The following NOX5 variants were observed in gnomAD, a reference collection of about 807,000 sequenced individuals.
The protein encoded by NOX5 is NADPH oxidase 5.
A neutral mutation model predicts 85.7 loss-of-function variants in NOX5; 76 were observed. That is an observed-to-expected ratio of 0.89 (90% CI 0.74 to 1.07). The LOEUF (loss-of-function observed/expected upper bound fraction) is 1.07. Ranked by LOEUF, NOX5 falls within the 50% of genes least tolerant of loss-of-function variation. The probability of loss-of-function intolerance (pLI) is 0.00; values close to 1 mark genes in which losing one functional copy is unlikely to be tolerated. For missense variants in NOX5, 973 were observed against 999.5 expected (o/e 0.97, Z 0.36); for synonymous variants, 405 against 401.4 (o/e 1.01, Z -0.11).
rs1265680357 is a variant in NOX5, at chr15:69,031,553, TG to T, written c.365del (p.Gly122ValfsTer48). The T allele has an allele frequency of 6.2e-7, 1 of 1,611,644 alleles. No individual in the cohort carries two copies. Among genetic ancestry groups the T allele is most frequent in the South Asian group, 1.1e-5 (1 of 91,056 alleles). On this transcript the variant is annotated frameshift_variant, in exon 4 of 16. Coordinates refer to ENST00000388866, the MANE Select transcript of NOX5 (RefSeq NM_024505.4). LOFTEE classifies it high-confidence loss of function. The stretch of plus-strand genomic sequence containing the variant: ...GCAGGGGGCGTCTGCAGGTACAGAG[TG>T]GGGTGCTGGGGCAGGCCCGCACTGG... The part of the protein sequence containing the change: ...ARQGASAGTE[W>X]GAGAGPHWAS...
At chr15:69,049,748 G>C (rs527504994) in intron 14 of NOX5, among the ~76,000 whole-genome samples, 2 of 152,262 alleles carry the variant, frequency 1.3e-5, no homozygotes, top group East Asian at 3.9e-4. Context: ...TTCTCTGAGA[G>C]TCAGGCTCAG....
At chr15:69,052,388 A>T (rs2050760262) in intron 14 of NOX5, among the ~76,000 whole-genome samples, 2 of 152,180 alleles carry the variant, frequency 1.3e-5, no homozygotes, top group Non-Finnish European at 1.5e-5. Flanking sequence ...TCTTCATGGG[A>T]CATCTTTGTG....
In NOX5 at chr15:69,033,090, G is replaced by A; in HGVS notation, c.668G>A (p.Arg223Gln). The change falls in exon 5 of 16, where the codon CGG (arginine) becomes CAG (glutamine). Residue 223 changes from arginine to glutamine, a missense_variant. By Grantham distance (43) the Arg-to-Gln change is conservative. Coordinates refer to ENST00000388866, the MANE Select transcript of NOX5 (RefSeq NM_024505.4). The part of the protein sequence containing the change: ...TAPAPRPRPR[R>Q]PRQLTRAYWH... ...CCCGCCCCCCGCCCACGCCCGCGCCGGCCGCGCCAGCTGACCCGCGCCTAC... is the reference window on the plus strand; with the variant it reads ...CCCGCCCCCCGCCCACGCCCGCGCCAGCCGCGCCAGCTGACCCGCGCCTAC... 6.4e-7 allele frequency: 1 copy of A among 1,552,712 alleles called. No homozygotes were observed. Among genetic ancestry groups the A allele is most frequent in the East Asian group, 2.4e-5 (1 of 42,400 alleles).
At chr15:69,027,431 G>A (rs1029291130) in intron 2 of NOX5, among the ~76,000 whole-genome samples, 3 of 152,172 alleles carry the variant, frequency 2.0e-5, no homozygotes, top group Non-Finnish European at 1.5e-5. Context: ...AGAAAGCCAA[G>A]GCAAGGTGGC....
intron 1 of NOX5, among the ~76,000 whole-genome samples, chr15:69,015,953 A>G (rs167482): frequency 0.99 from 150,151 of 151,202 alleles, 74,560 homozygotes; most frequent in Middle Eastern, 1. Flanking sequence ...GGCTGGGCCC[A>G]GGACAGTGGT....
intron 3 of NOX5, chr15:69,031,198 T>C (rs1309438416): frequency 4.7e-6 from 2 of 422,448 alleles, no homozygotes; most frequent in Admixed American, 4.0e-5. Flanking sequence ...ACATACAGTG[T>C]GCCTTTGGAT....
intron 1 of NOX5, among the ~76,000 whole-genome samples, chr15:69,016,816 A>G (rs2050237226): frequency 6.6e-6 from 1 of 152,118 alleles, no homozygotes; most frequent in African/African-American, 2.4e-5. Context: ...ATATACATAC[A>G]TACATACACA....
Position 69,014,751 on chromosome 15 carries a change from G to C in NOX5, c.16G>C (p.Asp6His). The C allele has an allele frequency of 6.4e-7, 1 of 1,550,626 alleles. No homozygotes were observed. Among genetic ancestry groups the C allele is most frequent in the Non-Finnish European group, 8.7e-7 (1 of 1,146,974 alleles). Residue 6 changes from aspartate (D) to histidine (H), a missense_variant, in exon 1 of 16, where the codon GAC becomes CAC. Asp to His is a moderately conservative substitution (Grantham distance 81). Coordinates refer to ENST00000388866, the MANE Select transcript of NOX5 (RefSeq NM_024505.4). The stretch of plus-strand genomic sequence containing the variant: ...ACAGGAGAAGATGAACACATCTGGA[G>C]ACCCAGCCCAGACGGGCCCTGAAGG... MNTSG[D>H]PAQTGPEGCR... is the part of the protein sequence containing the mutation.
At chr15:69,055,559 A>T in intron 15 of NOX5, 59 bp downstream of exon 15, 3 of 1,573,228 alleles carry the variant, frequency 1.9e-6, no homozygotes, top group Non-Finnish European at 2.6e-6. Flanking sequence ...AGCTCGAGGC[A>T]GCGGTGGGGA....
At chr15:69,023,848 G>T in intron 1 of NOX5, 1 of 177,116 alleles carries the variant, frequency 5.6e-6, no homozygotes, top group Non-Finnish European at 1.3e-5. Flanking sequence ...TGCTTCTCCT[G>T]ACCATCTCTT....
At position 69,038,998 on chromosome 15, in the gene NOX5, C is replaced by T. The variant is rs780946141; in HGVS notation, c.1504+9C>T. The T allele has an allele frequency of 5.6e-6, 9 of 1,613,846 alleles. No individual in the cohort carries two copies. The highest frequency in any genetic ancestry group is 5.3e-5 in the African/African-American group (4 of 74,892). On this transcript the variant is annotated intron_variant, in intron 9 of 15. Coordinates refer to ENST00000388866, the MANE Select transcript of NOX5 (RefSeq NM_024505.4). ...TGCTCCTGAGCAGAAAGGTAATGGC[C>T]ACCTCCTCCAGTCACTCTGCACATA...
At chr15:69,026,695 T>C in intron 2 of NOX5, 44 bp downstream of exon 2, 1 of 1,612,678 alleles carries the variant, frequency 6.2e-7, no homozygotes. Flanking sequence ...TATCGTTATG[T>C]GGCCTGGTTC....
chr15:69,043,004 G>A (rs1417289757), intron 10 of NOX5, among the ~76,000 whole-genome samples, 199 bp downstream of exon 10: 1 of 152,332 alleles, frequency 6.6e-6, no homozygotes. Flanking sequence ...TTCCCAGTCT[G>A]ATGTCCCCCA....
intron 5 of NOX5, among the ~76,000 whole-genome samples, chr15:69,033,701 C>CTTTT (rs570603838): frequency 1.7e-5 from 2 of 119,290 alleles, no homozygotes; most frequent in African/African-American, 6.5e-5. Context: ...TCTTTTTTTT[C>CTTTT]TTTTTTTTTT....
chr15:69,030,286 G>C (rs763597329), intron 3 of NOX5: 1 of 152,180 alleles, frequency 6.6e-6, no homozygotes, highest in African/African-American at 2.4e-5. Context: ...TACGCGCGAC[G>C]GGGAGCCATC....
In NOX5 at chr15:69,031,664, G is replaced by C. The variant is rs772334710; in HGVS notation, c.472G>C (p.Ala158Pro). The change falls in exon 4 of 16, where the codon GCC (alanine) becomes CCC (proline). Residue 158 changes from alanine (A) to proline (P), a missense_variant. Coordinates refer to ENST00000388866, the MANE Select transcript of NOX5 (RefSeq NM_024505.4). ...GCTGCAGTCGTGTCTGCGCGAGAGC[G>C]CCATCTCGCTGCCTGACGAGAAGCT... ...TVLQSCLRES[A>P]ISLPDEKLDQ... 1.2e-6 allele frequency: 2 copies of C among 1,613,212 alleles called. No homozygotes were observed. Among genetic ancestry groups the C allele is most frequent in the Non-Finnish European group, 1.7e-6 (2 of 1,179,924 alleles).
intron 5 of NOX5, among the ~76,000 whole-genome samples, chr15:69,034,122 G>A (rs940550261): frequency 2.6e-5 from 4 of 152,202 alleles, no homozygotes; most frequent in African/African-American, 7.2e-5. Context: ...ATTCATCATT[G>A]ATGAGCAGGG....
intron 1 of NOX5, among the ~76,000 whole-genome samples, chr15:69,018,893 T>C (rs754204851): frequency 3.3e-5 from 5 of 152,104 alleles, no homozygotes; most frequent in African/African-American, 4.8e-5. Flanking sequence ...AAGGGATGGG[T>C]TCTCTGTTGC....
At chr15:69,050,615 C>A (rs749508763) in intron 14 of NOX5, among the ~76,000 whole-genome samples, 1 of 152,188 alleles carries the variant, frequency 6.6e-6, no homozygotes, top group African/African-American at 2.4e-5. Context: ...TCTCAAACTC[C>A]TGACCTCAAG....
Sources: gnomAD v4.1 joint callset for allele counts (sites outside exome capture counted in the v4.1 genomes callset) on GRCh38, gnomAD v4.1.1 for gene constraint, MANE v1.5 for transcripts, NCBI Gene and HGNC (gene_info 2026-07-23, HGNC 2026-07-21) for gene names.